SORCS3: variants seen among roughly 807,000 people sequenced by gnomAD.
The protein encoded by SORCS3 is VPS10 domain-containing receptor SorCS3.
A neutral mutation model predicts 146.3 loss-of-function variants in SORCS3; 57 were observed. The observed-to-expected ratio is 0.39, with a 90% CI of 0.31 to 0.49. SORCS3 has a LOEUF of 0.49. Among genes scored for constraint, SORCS3 ranks in the 20% least tolerant of loss-of-function variants. SORCS3 has a pLI of 0.92. For synonymous variants in SORCS3, 653 were observed against 618.5 expected (o/e 1.06, Z -0.83); for missense variants, 1,341 against 1,575.5 (o/e 0.85, Z 2.52).
chr10:104,849,019 A>C (rs1260355389), intron 2 of SORCS3, among the ~76,000 whole-genome samples: 1 of 152,238 alleles, frequency 6.6e-6, no homozygotes, highest in Non-Finnish European at 1.5e-5. Flanking sequence ...AAACAATTCT[A>C]GGAATGAATC....
intron 2 of SORCS3, among the ~76,000 whole-genome samples, chr10:104,896,933 C>T (rs1206983288): frequency 6.6e-6 from 1 of 152,152 alleles, no homozygotes; most frequent in Non-Finnish European, 1.5e-5. Flanking sequence ...TTACTGTCCC[C>T]TGGTCTAGAG....
chr10:105,148,898 C>T lies in SORCS3; in HGVS notation c.1482+1102C>T, dbSNP rs576269449. On this transcript the variant is annotated intron_variant, in intron 9 of 26. Coordinates refer to ENST00000369701, the MANE Select transcript of SORCS3 (RefSeq NM_014978.3). ...ATCCCATCTGGAATTGTAGTCCCCACGTGTTGAGGGAGGGACCTAGTGGGA... is the reference window on the plus strand; with the variant it reads ...ATCCCATCTGGAATTGTAGTCCCCATGTGTTGAGGGAGGGACCTAGTGGGA... 1.6e-3 allele frequency among the ~76,000 whole-genome samples: 245 copies of T among 152,126 alleles called. 1 individual carries two copies. The highest frequency in any genetic ancestry group is 2.5e-3 in the Non-Finnish European group (169 of 67,980).
chr10:104,680,707 ATGC>A (rs1373145284), intron 1 of SORCS3, among the ~76,000 whole-genome samples: 16 of 152,244 alleles, frequency 1.1e-4, no homozygotes, highest in African/African-American at 3.6e-4. Flanking sequence ...AAGTGCCAAA[ATGC>A]TGACACGCGT....
At chr10:105,259,066 C>G (rs759457355) in intron 25 of SORCS3, among the ~76,000 whole-genome samples, 1 of 152,142 alleles carries the variant, frequency 6.6e-6, no homozygotes, top group Non-Finnish European at 1.5e-5. Context: ...ACAACAAGTA[C>G]GTAGGTCAGG....
At chr10:105,211,058 T>C (rs1028579810) in intron 16 of SORCS3, 79 bp from the exon 17 acceptor site, 2 of 885,808 alleles carry the variant, frequency 2.3e-6, no homozygotes, top group African/African-American at 3.3e-5. Flanking sequence ...AATAGGGACA[T>C]GTATATGTTT....
intron 7 of SORCS3, among the ~76,000 whole-genome samples, chr10:105,108,497 A>C (rs1175603100): frequency 6.6e-6 from 1 of 152,192 alleles, no homozygotes; most frequent in Non-Finnish European, 1.5e-5. Flanking sequence ...AAGAGAAACC[A>C]TCCAAAGACT....
chr10:105,231,464 T>C (rs1028555925), intron 20 of SORCS3, among the ~76,000 whole-genome samples: 7 of 152,236 alleles, frequency 4.6e-5, no homozygotes, highest in Non-Finnish European at 8.8e-5. Flanking sequence ...ATATCATCTA[T>C]GAACAAATAG....
intron 4 of SORCS3, among the ~76,000 whole-genome samples, chr10:104,980,758 A>G (rs1179037117): frequency 6.6e-6 from 1 of 152,210 alleles, no homozygotes; most frequent in African/African-American, 2.4e-5. Context: ...ATGATATTTT[A>G]AAAGGACAGT....
Position 104,923,381 on chromosome 10 carries a change from C to T in SORCS3, c.795+7449C>T, listed in dbSNP as rs150924148. On this transcript the variant is annotated intron_variant, in intron 3 of 26. Coordinates refer to ENST00000369701, the MANE Select transcript of SORCS3 (RefSeq NM_014978.3). Reference sequence around the variant, plus strand: ...CTCATAGCTCTTAGTTATATGACTACATGTTGGCTGGCCAAGCCCTGTTAC... The same window carrying T: ...CTCATAGCTCTTAGTTATATGACTATATGTTGGCTGGCCAAGCCCTGTTAC... Among the ~76,000 whole-genome samples, 355 of 152,324 alleles carry T rather than the reference C, an allele frequency of 2.3e-3. 1 individual carries two copies. Among genetic ancestry groups the T allele is most frequent in the Middle Eastern group, 6.8e-3 (2 of 294 alleles).
At chr10:105,236,300 C>T (rs1378499654) in intron 20 of SORCS3, among the ~76,000 whole-genome samples, 1 of 152,116 alleles carries the variant, frequency 6.6e-6, no homozygotes, top group Non-Finnish European at 1.5e-5. Context: ...TTATCATGCA[C>T]TCTCCCCAGT....
At chr10:105,065,985 G>T (rs1038597111) in intron 5 of SORCS3, among the ~76,000 whole-genome samples, 1 of 152,068 alleles carries the variant, frequency 6.6e-6, no homozygotes, top group African/African-American at 2.4e-5. Context: ...GCAGAATAAA[G>T]GTACTTAAAG....
chr10:104,889,311 A>T (rs1184090517), intron 2 of SORCS3, among the ~76,000 whole-genome samples: 3 of 148,374 alleles, frequency 2.0e-5, no homozygotes, highest in Non-Finnish European at 3.0e-5. Flanking sequence ...ATCCGATCTG[A>T]CAATCTTTGC....
chr10:104,647,184 A>C (rs933969866), intron 1 of SORCS3, among the ~76,000 whole-genome samples: 8 of 152,138 alleles, frequency 5.3e-5, no homozygotes, highest in Admixed American at 4.6e-4. Context: ...TTAGCCTGGC[A>C]TTCAAGGCTA....
intron 1 of SORCS3, among the ~76,000 whole-genome samples, chr10:104,713,427 C>A (rs998873294): frequency 6.6e-6 from 1 of 152,106 alleles, no homozygotes; most frequent in Non-Finnish European, 1.5e-5. Flanking sequence ...GCTAGCTGTA[C>A]GTTTTTTGGG....
At position 104,762,744 on chromosome 10, in the gene SORCS3, G is replaced by C. The variant is rs145035126; in HGVS notation, c.628-80048G>C. ...TCCCCTTCACTTGCTCGCTCTCCTG[G>C]TGCCATGTAAGACATCCTTGCTTCT... On this transcript the variant is annotated intron_variant, in intron 1 of 26. Transcript: ENST00000369701. Among the ~76,000 whole-genome samples, 391 of 152,230 alleles carry C rather than the reference G, an allele frequency of 2.6e-3. 1 individual carries two copies. Among genetic ancestry groups the C allele is most frequent in the Admixed American group, 6.9e-3 (106 of 15,286 alleles).
chr10:105,044,694 T>TG (rs2055357715), intron 5 of SORCS3, among the ~76,000 whole-genome samples: 1 of 151,940 alleles, frequency 6.6e-6, no homozygotes, highest in Non-Finnish European at 1.5e-5. Flanking sequence ...CTGTTTTTTT[T>TG]TTTGTTTTGT....
intron 1 of SORCS3, among the ~76,000 whole-genome samples, chr10:104,820,713 C>T (rs2017862852): frequency 6.6e-6 from 1 of 152,130 alleles, no homozygotes; most frequent in Admixed American, 6.5e-5. Context: ...CTATTTTTGA[C>T]TCCCCCTAAA....
At chr10:105,051,245 C>T (rs577430138) in intron 5 of SORCS3, among the ~76,000 whole-genome samples, 1 of 152,138 alleles carries the variant, frequency 6.6e-6, no homozygotes, top group South Asian at 2.1e-4. Context: ...ACTAGAAGTA[C>T]TAATATAAAT....
chr10:105,245,100 G>C (rs939253323), intron 20 of SORCS3, among the ~76,000 whole-genome samples: 1 of 151,496 alleles, frequency 6.6e-6, no homozygotes, highest in African/African-American at 2.4e-5. Flanking sequence ...GTGTGCTTAG[G>C]GTGGGTAATA....
Sources: gnomAD v4.1 joint callset for allele counts (sites outside exome capture counted in the v4.1 genomes callset) on GRCh38, gnomAD v4.1.1 for gene constraint, MANE v1.5 for transcripts, NCBI Gene and HGNC (gene_info 2026-07-23, HGNC 2026-07-21) for gene names.